The following EXTL3 variants were observed in gnomAD, a reference collection of about 807,000 sequenced individuals.
EXTL3 encodes the protein exostosin like glycosyltransferase 3.
EXTL3 carries 27 observed loss-of-function variants against 69.3 expected under a neutral mutation model. The ratio of observed to expected loss-of-function variants is 0.39; its 90% confidence interval spans 0.29 to 0.54. The LOEUF (loss-of-function observed/expected upper bound fraction) is 0.54, where lower values mean the gene tolerates loss of function less well. Among genes scored for constraint, EXTL3 ranks in the 20% least tolerant of loss-of-function variants. EXTL3 has a pLI of 0.69. For missense variants in EXTL3, 1,003 were observed against 1,231.8 expected (o/e 0.81, Z 2.78); for synonymous variants, 511 against 499.4 (o/e 1.02, Z -0.31).
At chr8:28,643,662 C>G (rs1340759418) in intron 1 of EXTL3, among the ~76,000 whole-genome samples, 3 of 152,052 alleles carry the variant, frequency 2.0e-5, no homozygotes, top group Non-Finnish European at 4.4e-5. Flanking sequence ...TCGTGATCCA[C>G]CAGCCTCAGC....
chr8:28,701,718 T>A (rs1440164465), intron 1 of EXTL3, 59 bp downstream of exon 1: 1 of 153,390 alleles, frequency 6.5e-6, no homozygotes, highest in Non-Finnish European at 1.5e-5. Context: ...GAAGGGCTCA[T>A]GGGAGGGTGC....
At position 28,672,473 on chromosome 8, in the gene EXTL3, A is replaced by G. The variant is rs77187587; in HGVS notation, c.-52-40984A>G. ...AAATAATATGGTTTTATTAAGGGAG[A>G]TCAGATTAGCTTCTCTTGGCTGTGA... is the stretch of plus-strand genomic sequence containing the variant. On this transcript the variant is annotated intron_variant, in intron 1 of 6. Transcript: ENST00000523149. Among the ~76,000 whole-genome samples the G allele has an allele frequency of 6.5e-3, 986 of 152,050 alleles. 19 individuals carry two copies. Among genetic ancestry groups the G allele is most frequent in the African/African-American group, 0.023 (944 of 41,448 alleles).
chr8:28,679,119 A>G (rs240923), intron 1 of EXTL3, among the ~76,000 whole-genome samples: 1 of 152,016 alleles, frequency 6.6e-6, no homozygotes, highest in South Asian at 2.1e-4. Context: ...CTCCAAACCA[A>G]AGGGTCATTT....
At chr8:28,738,135 C>T (rs1375187723) in intron 5 of EXTL3, among the ~76,000 whole-genome samples, 1 of 152,190 alleles carries the variant, frequency 6.6e-6, no homozygotes, top group African/African-American at 2.4e-5. Context: ...TTCACTGTGC[C>T]TCCTAATCTG....
At chr8:28,644,502 C>T (rs755787512) in intron 1 of EXTL3, among the ~76,000 whole-genome samples, 1 of 151,986 alleles carries the variant, frequency 6.6e-6, no homozygotes, top group Non-Finnish European at 1.5e-5. Context: ...AGTTTGAGAC[C>T]AGCCTGGTCA....
chr8:28,678,794 A>G (rs240922), intron 1 of EXTL3, among the ~76,000 whole-genome samples: 48,474 of 152,118 alleles, frequency 0.32, 7,779 homozygotes, highest in East Asian at 0.4. Context: ...GAGAAGGGAA[A>G]AGCATGATTT....
intron 1 of EXTL3, among the ~76,000 whole-genome samples, chr8:28,704,948 C>G (rs1364519194): frequency 6.6e-6 from 1 of 152,264 alleles, no homozygotes; most frequent in Non-Finnish European, 1.5e-5. Flanking sequence ...GCCGCCGCAT[C>G]CGGCTTCCTT....
At chr8:28,714,780 A>G (rs1294976112) in intron 2 of EXTL3, among the ~76,000 whole-genome samples, 1 of 152,226 alleles carries the variant, frequency 6.6e-6, no homozygotes, top group Non-Finnish European at 1.5e-5. Flanking sequence ...CTGAGTCGCT[A>G]CAAGCGTCCT....
At chr8:28,703,814 C>A (rs961504721) in intron 1 of EXTL3, among the ~76,000 whole-genome samples, 2 of 152,200 alleles carry the variant, frequency 1.3e-5, no homozygotes, top group African/African-American at 4.8e-5. Flanking sequence ...AAGTTTAGCT[C>A]AGAAAACTTC....
chr8:28,676,772 A>G (rs1422134776), intron 1 of EXTL3, among the ~76,000 whole-genome samples: 1 of 152,204 alleles, frequency 6.6e-6, no homozygotes, highest in Non-Finnish European at 1.5e-5. Context: ...AGTGGTGACC[A>G]GAGACAGGAA....
At position 28,623,254 on chromosome 8, in the gene EXTL3, C is replaced by T. The variant is rs1397461765; in HGVS notation, c.-53+444C>T. Among the ~76,000 whole-genome samples the T allele has an allele frequency of 6.6e-6, 1 of 152,162 alleles. No homozygotes were observed. Among genetic ancestry groups the T allele is most frequent in the Non-Finnish European group, 1.5e-5 (1 of 68,016 alleles). Reference sequence around the variant, plus strand: ...GCCCGCCTCGCGCGCTGTCAGGAGGCGCTGTCCCCGTGGGTAAGCCCGTGC... The same window carrying T: ...GCCCGCCTCGCGCGCTGTCAGGAGGTGCTGTCCCCGTGGGTAAGCCCGTGC... On this transcript the variant is annotated intron_variant, in intron 1 of 6. Transcript: ENST00000523149. The surrounding 1 kb of genome is among the most constrained non-coding windows in gnomAD (Gnocchi z 4.2).
In EXTL3 at chr8:28,752,327, C is replaced by G. The variant is rs1051159743; in HGVS notation, c.*1461C>G. On this transcript the variant is annotated 3_prime_UTR_variant, in exon 7 of 7. Transcript: ENST00000220562. ...TTAGCCCATGACGTGTTTCTTGAAC[C>G]CTACTTTCTGGAAGTGGAGTTGACT... 6.6e-6 allele frequency: 1 copy of G among 152,582 alleles called. No individual in the cohort carries two copies. Among genetic ancestry groups the G allele is most frequent in the African/African-American group, 2.4e-5 (1 of 41,410 alleles). 9.5% of individuals were successfully genotyped at this position (152,582 alleles called of 1,614,324 possible).
At chr8:28,648,093 G>C (rs1806863780) in intron 1 of EXTL3, among the ~76,000 whole-genome samples, 1 of 152,068 alleles carries the variant, frequency 6.6e-6, no homozygotes, top group Non-Finnish European at 1.5e-5. Context: ...ATAATGGATT[G>C]GTCCAGCACC....
At chr8:28,646,918 C>A (rs1208483292) in intron 1 of EXTL3, among the ~76,000 whole-genome samples, 1 of 152,054 alleles carries the variant, frequency 6.6e-6, no homozygotes, top group African/African-American at 2.4e-5. Flanking sequence ...AGCTTTAAGC[C>A]CCATTCATTC....
At chr8:28,713,618 G>GT in intron 2 of EXTL3, 68 bp downstream of exon 2, 1 of 686,362 alleles carries the variant, frequency 1.5e-6, no homozygotes, top group Non-Finnish European at 2.6e-6. Context: ...CCATTCTGTT[G>GT]TTTCTTTGTT....
chr8:28,714,173 T>C (rs2130730907), intron 2 of EXTL3, among the ~76,000 whole-genome samples: 1 of 152,298 alleles, frequency 6.6e-6, no homozygotes, highest in Non-Finnish European at 1.5e-5. Flanking sequence ...CTCAAAGTGC[T>C]GGGATTACAG....
chr8:28,710,482 C>A (rs928852371), intron 1 of EXTL3: 10 of 456,026 alleles, frequency 2.2e-5, no homozygotes, highest in South Asian at 7.7e-5. Flanking sequence ...ACGCAAGACA[C>A]TTTGATAGGA....
At chr8:28,637,011 G>A (rs1806667194) in intron 1 of EXTL3, among the ~76,000 whole-genome samples, 1 of 150,410 alleles carries the variant, frequency 6.6e-6, no homozygotes, top group African/African-American at 2.4e-5. Flanking sequence ...GGTGGAGGGG[G>A]TGGGGCGGGG....
At chr8:28,710,090 C>T (rs989802835) in intron 1 of EXTL3, among the ~76,000 whole-genome samples, 7 of 152,028 alleles carry the variant, frequency 4.6e-5, no homozygotes, top group Non-Finnish European at 7.3e-5. Flanking sequence ...AATGATAAAT[C>T]TCTGTATACA....
Sources: allele counts gnomAD v4.1 joint callset (sites outside exome capture counted in the v4.1 genomes callset), GRCh38; gene constraint gnomAD v4.1.1; non-coding constraint Gnocchi (gnomAD v3.1); transcripts MANE v1.5; gene names NCBI Gene and HGNC (gene_info 2026-07-23, HGNC 2026-07-21).